The following PDE10A variants were observed in gnomAD, a reference collection of about 807,000 sequenced individuals.
The protein encoded by PDE10A is phosphodiesterase 10A.
Under a neutral mutation model 97.7 loss-of-function variants are expected in PDE10A, and 39 were observed. That is an observed-to-expected ratio of 0.40 (90% confidence interval 0.31 to 0.52). PDE10A has a LOEUF of 0.52. Among genes scored for constraint, PDE10A ranks in the 20% least tolerant of loss-of-function variants. PDE10A has a pLI of 0.56. For synonymous variants in PDE10A, 371 were observed against 376.8 expected, an observed-to-expected ratio of 0.98 and a Z score of 0.18; for missense variants, 731 against 1,047.8, an observed-to-expected ratio of 0.70 and a Z score of 4.17.
chr6:165,618,334 ACAATTCCTAGGT>A (rs1253100382), intron 1 of PDE10A, among the ~76,000 whole-genome samples: 1 of 152,164 alleles, frequency 6.6e-6, no homozygotes, highest in Non-Finnish European at 1.5e-5. Context: ...CTCTCTGATA[ACAATTCCTAGGT>A]CTAAAGACTA....
chr6:165,725,074 T>C (rs1404477671), intron 1 of PDE10A, among the ~76,000 whole-genome samples: 1 of 151,368 alleles, frequency 6.6e-6, no homozygotes, highest in Non-Finnish European at 1.5e-5. Context: ...CAGAGGAGAG[T>C]CCGGCTGCTG....
At position 165,396,473 on chromosome 6, in the gene PDE10A, C is replaced by T. The variant is rs769849703; in HGVS notation, c.2077-14G>A. On this transcript the variant is annotated splice_polypyrimidine_tract_variant and intron_variant, in intron 13 of 21. Coordinates refer to ENST00000539869, the MANE Select transcript of PDE10A (RefSeq NM_001385079.1). ...TCTATGATACATCTAGAAGGCAAAT[C>T]CAAAAAAAAAACCCCCAAAATTAAA... The T allele has an allele frequency of 3.8e-6, 6 of 1,573,330 alleles. No homozygotes were observed. The highest frequency in any genetic ancestry group is 1.7e-4 in the Middle Eastern group (1 of 5,830).
intron 1 of PDE10A, among the ~76,000 whole-genome samples, chr6:165,892,385 G>A (rs570285826): frequency 9.8e-5 from 15 of 152,320 alleles, no homozygotes; most frequent in Admixed American, 3.9e-4. Flanking sequence ...GAATCCACTC[G>A]CCTTCCACAT....
chr6:165,428,363 C>T (rs1789313905), intron 10 of PDE10A, among the ~76,000 whole-genome samples: 1 of 152,036 alleles, frequency 6.6e-6, no homozygotes, highest in Non-Finnish European at 1.5e-5. Flanking sequence ...CGAGAATTCC[C>T]CACATGTCCC....
Position 165,960,392 on chromosome 6 carries a change from T to C in PDE10A, c.-615+27137A>G, listed in dbSNP as rs150490067. On this transcript the variant is annotated intron_variant, in intron 1 of 19. Coordinates refer to the PDE10A transcript ENST00000366882. ...ACGTGGAGGCCTGATCCGACCCTCATCCACGGGATTCCAGGACGAGGAAAG... is the reference window on the plus strand; with the variant it reads ...ACGTGGAGGCCTGATCCGACCCTCACCCACGGGATTCCAGGACGAGGAAAG... Among the ~76,000 whole-genome samples the C allele has an allele frequency of 4.6e-5, 7 of 152,240 alleles. No individual in the cohort carries two copies. The East Asian group carries it at 1.4e-3, about 29-fold the overall frequency.
chr6:165,814,119 C>T (rs541500776), intron 1 of PDE10A, among the ~76,000 whole-genome samples: 5 of 152,228 alleles, frequency 3.3e-5, no homozygotes, highest in African/African-American at 1.2e-4. Context: ...TATTAATTAC[C>T]ATTTCAAAAT....
chr6:165,943,270 G>GAAAGAAAGAAA (rs1562809943), intron 1 of PDE10A, among the ~76,000 whole-genome samples: 14 of 89,012 alleles, frequency 1.6e-4, no homozygotes, highest in East Asian at 2.6e-4. Context: ...AAGGAAGGAA[G>GAAAGAAAGAAA]GAAGGAAAGA....
chr6:165,372,761 G>A (rs575046241), intron 18 of PDE10A, among the ~76,000 whole-genome samples: 4 of 121,778 alleles, frequency 3.3e-5, no homozygotes, highest in African/African-American at 1.4e-4. Context: ...AAAAGAGCCC[G>A]CATTGCCAAG....
intron 17 of PDE10A, among the ~76,000 whole-genome samples, chr6:165,387,860 C>G (rs1785414981): frequency 6.6e-6 from 1 of 152,046 alleles, no homozygotes; most frequent in Non-Finnish European, 1.5e-5. Context: ...TTACCAAGAA[C>G]ATCTTAAAGA....
intron 1 of PDE10A, among the ~76,000 whole-genome samples, chr6:165,897,644 C>T (rs937609098): frequency 6.6e-6 from 1 of 151,558 alleles, no homozygotes; most frequent in African/African-American, 2.4e-5. Context: ...GCCCCCCCAC[C>T]TCCAGGCTTC....
intron 1 of PDE10A, among the ~76,000 whole-genome samples, chr6:165,689,074 T>C (rs1791201104): frequency 1.3e-5 from 2 of 152,244 alleles, no homozygotes; most frequent in African/African-American, 2.4e-5. Context: ...GGAATTCATG[T>C]AGAATTAACC....
intron 1 of PDE10A, among the ~76,000 whole-genome samples, chr6:165,958,156 C>T (rs1245590906): frequency 6.6e-5 from 10 of 152,152 alleles, no homozygotes; most frequent in Non-Finnish European, 1.3e-4. Context: ...GACCCAGCGT[C>T]TCCGGGAACA....
intron 1 of PDE10A, among the ~76,000 whole-genome samples, chr6:165,569,203 T>C (rs1038169906): frequency 6.6e-6 from 1 of 152,228 alleles, no homozygotes; most frequent in South Asian, 2.1e-4. Flanking sequence ...ATGTGTGTCA[T>C]CTTTACTTCA....
At chr6:165,548,442 T>A (rs1783848375) in intron 1 of PDE10A, among the ~76,000 whole-genome samples, 1 of 152,140 alleles carries the variant, frequency 6.6e-6, no homozygotes, top group African/African-American at 2.4e-5. Context: ...TTATAACTTA[T>A]TTCTGAATAA....
intron 1 of PDE10A, among the ~76,000 whole-genome samples, chr6:165,602,617 T>C (rs911821007): frequency 1.3e-5 from 2 of 152,170 alleles, no homozygotes; most frequent in Non-Finnish European, 2.9e-5. Context: ...GGTGATGAGT[T>C]CACATTATCA....
intron 2 of PDE10A, among the ~76,000 whole-genome samples, chr6:165,482,628 G>C (rs1779672453): frequency 6.6e-6 from 1 of 152,088 alleles, no homozygotes; most frequent in Admixed American, 6.5e-5. Flanking sequence ...CTACACTGGG[G>C]TATATTCAAC....
intron 1 of PDE10A, among the ~76,000 whole-genome samples, chr6:165,853,191 T>C (rs1198163075): frequency 1.3e-5 from 2 of 152,246 alleles, no homozygotes; most frequent in African/African-American, 2.4e-5. Flanking sequence ...CCTCTGCTAT[T>C]GAATGGTGCC....
At chr6:165,817,216 G>A (rs564701954) in intron 1 of PDE10A, among the ~76,000 whole-genome samples, 41 of 152,164 alleles carry the variant, frequency 2.7e-4, no homozygotes, top group African/African-American at 8.7e-4. Context: ...GAGGGATCAG[G>A]ATTACTAGTA....
At chr6:165,830,875 C>A (rs2128471012) in intron 1 of PDE10A, among the ~76,000 whole-genome samples, 1 of 152,262 alleles carries the variant, frequency 6.6e-6, no homozygotes, top group South Asian at 2.1e-4. Flanking sequence ...TTTAAAGGTG[C>A]TGGAGCTTTA....
Sources: allele counts gnomAD v4.1 joint callset (sites outside exome capture counted in the v4.1 genomes callset), GRCh38; gene constraint gnomAD v4.1.1; transcripts MANE v1.5; gene names NCBI Gene and HGNC (gene_info 2026-07-23, HGNC 2026-07-21).